CD3E: variants seen among roughly 807,000 people sequenced by gnomAD.
CD3E encodes the protein T-cell surface glycoprotein CD3 epsilon chain.
CD3E carries 16 observed loss-of-function variants against 34.7 expected under a neutral mutation model. That is an observed-to-expected ratio of 0.46 (90% CI 0.31 to 0.70). The LOEUF is 0.70. Among genes scored for constraint, CD3E ranks in the 30% least tolerant of loss-of-function variants. The pLI, the probability that CD3E is intolerant of heterozygous loss-of-function variation, is 0.05. For missense variants in CD3E, 223 were observed against 253.9 expected (o/e 0.88, Z 0.83); for synonymous variants, 70 against 90.8 (o/e 0.77, Z 1.30).
intron 3 of CD3E, 23 bp from the exon 4 acceptor site, chr11:118,308,404 G>T: frequency 6.3e-7 from 1 of 1,585,932 alleles, no homozygotes; most frequent in Non-Finnish European, 8.6e-7. Context: ...ATTACTAATG[G>T]CTTCTTACTG....
Position 118,304,966 on chromosome 11 carries a change from C to T in CD3E, c.14C>T (p.Thr5Ile). ...CATGAAACAAAGATGCAGTCGGGCACTCACTGGAGAGTTCTGGGCCTCTGC... is the reference window on the plus strand; with the variant it reads ...CATGAAACAAAGATGCAGTCGGGCATTCACTGGAGAGTTCTGGGCCTCTGC... MQSG[T>I]HWRVLGLCLL... The change falls in exon 2 of 9, where the codon ACT becomes ATT. Residue 5 changes from threonine (T) to isoleucine (I), a missense_variant. By Grantham distance (89) the Thr-to-Ile change is moderately conservative (BLOSUM62 -1). Transcript: ENST00000361763. 6.2e-7 allele frequency: 1 copy of T among 1,614,080 alleles called. No individual in the cohort carries two copies. Among genetic ancestry groups the T allele is most frequent in the Non-Finnish European group, 8.5e-7 (1 of 1,179,918 alleles).
At position 118,315,744 on chromosome 11, in the gene CD3E, C is replaced by A. The variant is rs1054017768; in HGVS notation, c.*202C>A. ...ACCCAGTCCTAAAATATTGCTGCTT[C>A]CTCTTCCTTTGAAGCATCATCAGTA... On this transcript the variant is annotated 3_prime_UTR_variant, in exon 9 of 9. Transcript: ENST00000361763. 6.3e-6 allele frequency: 4 copies of A among 630,378 alleles called. No homozygotes were observed. The highest frequency in any genetic ancestry group is 1.8e-5 in the African/African-American group (1 of 55,270). The allele number at this position is 630,378 out of a possible 1,614,324, so 39.0% of individuals were successfully genotyped here. A position where few individuals can be genotyped will look rare whatever the true frequency, so the allele number is the denominator to read the frequency against.
At chr11:118,312,511 T>C (rs2134766363) in intron 5 of CD3E, 107 bp from the exon 6 acceptor site, 1 of 1,303,104 alleles carries the variant, frequency 7.7e-7, no homozygotes, top group Non-Finnish European at 1.1e-6. Context: ...AAGTCTAAGA[T>C]CTAGATGACA....
At chr11:118,313,102 AACT>A (rs1468633082) in intron 6 of CD3E, 1 of 567,636 alleles carries the variant, frequency 1.8e-6, no homozygotes, top group African/African-American at 1.9e-5. Context: ...CTAAAATAGC[AACT>A]CCCTAAGAGA....
At chr11:118,314,360 A>C in intron 7 of CD3E, 88 bp from the exon 8 acceptor site, 2 of 1,100,194 alleles carry the variant, frequency 1.8e-6, no homozygotes, top group Non-Finnish European at 1.4e-6. Flanking sequence ...GGGGTTTGCC[A>C]TTCTCTATCT....
At chr11:118,309,674 C>T (rs1948125708) in intron 4 of CD3E, among the ~76,000 whole-genome samples, 1 of 152,194 alleles carries the variant, frequency 6.6e-6, no homozygotes, top group African/African-American at 2.4e-5. Context: ...GTTTACTGAG[C>T]ATGTATGTTT....
At position 118,315,621 on chromosome 11, in the gene CD3E, CTTGGACCCCACGAGAGAGAATCG is replaced by C. The variant is rs1948162279; in HGVS notation, c.*82_*104del. 8.2e-7 allele frequency: 1 copy of C among 1,221,868 alleles called. No individual in the cohort carries two copies. Among genetic ancestry groups the C allele is most frequent in the African/African-American group, 1.5e-5 (1 of 66,950 alleles). The allele number at this position is 1,221,868 out of a possible 1,614,324, so 75.7% of individuals were successfully genotyped here. ...GCGACTCCCTGTTTCCTGGGCTAGT[CTTGGACCCCACGAGAGAGAATCG>C]TTCCTCAGCCTCATGGTGAACTCGC... On this transcript the variant is annotated 3_prime_UTR_variant, in exon 9 of 9. Coordinates refer to ENST00000361763, the MANE Select transcript of CD3E (RefSeq NM_000733.4).
chr11:118,312,107 T>C lies in CD3E; in HGVS notation c.86-46T>C, dbSNP rs538984599. The C allele has an allele frequency of 2.3e-5, 36 of 1,573,524 alleles. 1 individual carries two copies. The East Asian group carries it at 7.6e-4, about 33-fold the overall frequency. On this transcript the variant is annotated intron_variant, in intron 4 of 8. Coordinates refer to ENST00000361763, the MANE Select transcript of CD3E (RefSeq NM_000733.4). ...AAAAGTTTTACCTACAATTTAAACT[T>C]AAACCATGATATTTTCTTACTGCTG...
intron 5 of CD3E, 184 bp from the exon 6 acceptor site, chr11:118,312,434 A>G: frequency 2.6e-6 from 2 of 759,318 alleles, no homozygotes; most frequent in East Asian, 2.6e-5. Flanking sequence ...AAGGTTCTCT[A>G]GTTCCCTTCA....
At chr11:118,312,016 C>G in intron 4 of CD3E, 137 bp from the exon 5 acceptor site, 1 of 766,634 alleles carries the variant, frequency 1.3e-6, no homozygotes, top group Non-Finnish European at 2.4e-6. Context: ...ACCTCCAAGA[C>G]TCGGGGTTCC....
In CD3E at chr11:118,313,093, T is replaced by C. The variant is rs1195238015; in HGVS notation, c.352+227T>C. On this transcript the variant is annotated intron_variant, in intron 6 of 8. Transcript: ENST00000361763. ...GGGTAACCCCAGTCTGTGCGAGATC[T>C]AAAATAGCAACTCCCTAAGAGACAG... The C allele has an allele frequency of 5.1e-6, 3 of 584,520 alleles. No individual in the cohort carries two copies. The Admixed American group carries it at 7.9e-5, about 15-fold the overall frequency. 36.2% of individuals were successfully genotyped at this position (584,520 alleles called of 1,614,324 possible).
At chr11:118,305,983 G>C (rs1948103254) in intron 2 of CD3E, among the ~76,000 whole-genome samples, 1 of 152,082 alleles carries the variant, frequency 6.6e-6, no homozygotes, top group African/African-American at 2.4e-5. Flanking sequence ...AAATCACCTG[G>C]GGATCTTGTT....
intron 2 of CD3E, among the ~76,000 whole-genome samples, chr11:118,306,427 C>T (rs1431631603): frequency 1.3e-5 from 2 of 151,526 alleles, no homozygotes; most frequent in African/African-American, 4.9e-5. Flanking sequence ...CCCAGGAGGT[C>T]GAGGCTGCAG....
At chr11:118,308,585 T>C in intron 4 of CD3E, 144 bp downstream of exon 4, 1 of 685,752 alleles carries the variant, frequency 1.5e-6, no homozygotes, top group East Asian at 2.7e-5. Context: ...CGTATGAAAC[T>C]TGCCTGTATT....
In CD3E at chr11:118,315,718, T is replaced by C. The variant is rs1948163031; in HGVS notation, c.*176T>C. Reference sequence around the variant, plus strand: ...CCCTCCTCCCTGCCTTCTCTGCTGGTACCCAGTCCTAAAATATTGCTGCTT... The same window carrying C: ...CCCTCCTCCCTGCCTTCTCTGCTGGCACCCAGTCCTAAAATATTGCTGCTT... On this transcript the variant is annotated 3_prime_UTR_variant, in exon 9 of 9. Coordinates refer to ENST00000361763, the MANE Select transcript of CD3E (RefSeq NM_000733.4). 2 of 660,716 alleles carry C rather than the reference T, an allele frequency of 3.0e-6. No homozygotes were observed. The highest frequency in any genetic ancestry group is 5.5e-6 in the Non-Finnish European group (2 of 364,508). The allele number at this position is 660,716 out of a possible 1,614,324, so 40.9% of individuals were successfully genotyped here.
chr11:118,312,112 C>G (rs1271002620), intron 4 of CD3E, 41 bp from the exon 5 acceptor site: 1 of 1,581,678 alleles, frequency 6.3e-7, no homozygotes, highest in Non-Finnish European at 8.7e-7. Flanking sequence ...AAACTTAAAC[C>G]ATGATATTTT....
chr11:118,305,107 G>T (rs959236278), intron 2 of CD3E, 106 bp downstream of exon 2: 10 of 1,019,588 alleles, frequency 9.8e-6, no homozygotes, highest in African/African-American at 1.6e-5. Flanking sequence ...TTTACCAGAT[G>T]TAAGGAACTG....
chr11:118,313,076 C>A (rs1948145342), intron 6 of CD3E: 1 of 636,608 alleles, frequency 1.6e-6, no homozygotes, highest in South Asian at 1.6e-5. Flanking sequence ...CTGGGTAACC[C>A]CAGTCTGTGC....
intron 6 of CD3E, 184 bp downstream of exon 6, chr11:118,313,050 C>T (rs1293287736): frequency 2.8e-6 from 2 of 722,416 alleles, no homozygotes. Context: ...ATAGATTAAA[C>T]ACCAATATGA....
Sources: allele counts gnomAD v4.1 joint callset (sites outside exome capture counted in the v4.1 genomes callset), GRCh38; gene constraint gnomAD v4.1.1; transcripts MANE v1.5; gene names NCBI Gene and HGNC (gene_info 2026-07-23, HGNC 2026-07-21).